Variants in UVRAG observed in about 807,000 individuals in gnomAD.
UVRAG encodes the protein UV radiation resistance-associated gene protein.
A neutral mutation model predicts 78.0 loss-of-function variants in UVRAG; 19 were observed. That is an observed-to-expected ratio of 0.24 (90% CI 0.17 to 0.36). The LOEUF (loss-of-function observed/expected upper bound fraction) is 0.36. UVRAG is among the 10% of genes least tolerant of loss of function. The probability of loss-of-function intolerance (pLI) is 1.00; values close to 1 mark genes in which losing one functional copy is unlikely to be tolerated. For synonymous variants in UVRAG, 323 were observed against 324.6 expected (o/e 1.00, Z 0.05); for missense variants, 740 against 853.8 (o/e 0.87, Z 1.66).
chr11:75,826,784 A>G (rs2135812897), intron 1 of UVRAG, among the ~76,000 whole-genome samples: 1 of 138,752 alleles, frequency 7.2e-6, no homozygotes, highest in Middle Eastern at 3.9e-3. Context: ...TGGTTTTTTG[A>G]TGGTTTTATT....
chr11:75,908,142 C>T (rs570803890), intron 5 of UVRAG, among the ~76,000 whole-genome samples: 3 of 152,270 alleles, frequency 2.0e-5, no homozygotes, highest in African/African-American at 7.2e-5. Flanking sequence ...ATTTTGACTA[C>T]TCTAGGTACC....
At chr11:76,044,723 G>C (rs572189913) in intron 12 of UVRAG, among the ~76,000 whole-genome samples, 1 of 152,092 alleles carries the variant, frequency 6.6e-6, no homozygotes, top group Non-Finnish European at 1.5e-5. Context: ...GTAGTGAGCC[G>C]AGATTGTGCT....
intron 11 of UVRAG, among the ~76,000 whole-genome samples, chr11:76,010,492 C>T (rs1418742796): frequency 2.0e-5 from 3 of 152,072 alleles, no homozygotes; most frequent in African/African-American, 7.2e-5. Context: ...TATGCTACAG[C>T]TGGGGGAAGA....
At chr11:76,086,809 CATT>C (rs1160322786) in intron 13 of UVRAG, among the ~76,000 whole-genome samples, 24 of 152,274 alleles carry the variant, frequency 1.6e-4, no homozygotes, top group Admixed American at 1.4e-3. Flanking sequence ...TGGCAACAGG[CATT>C]ATTTCATTGA....
At chr11:76,040,099 A>G (rs1397449968) in intron 12 of UVRAG, among the ~76,000 whole-genome samples, 2 of 152,140 alleles carry the variant, frequency 1.3e-5, no homozygotes, top group African/African-American at 4.8e-5. Flanking sequence ...TCATTGCAGT[A>G]TATTGTAAAT....
intron 3 of UVRAG, among the ~76,000 whole-genome samples, chr11:75,869,458 A>G (rs1473142435): frequency 6.6e-6 from 1 of 152,180 alleles, no homozygotes; most frequent in Non-Finnish European, 1.5e-5. Context: ...ATGAATTAAC[A>G]TTGAGTGTGT....
intron 8 of UVRAG, among the ~76,000 whole-genome samples, chr11:76,002,351 A>T (rs569128943): frequency 1.3e-5 from 2 of 152,060 alleles, no homozygotes; most frequent in South Asian, 4.2e-4. Context: ...TGATTGGGAT[A>T]TTTTTTTTAA....
At chr11:76,040,164 CT>C (rs892384744) in intron 12 of UVRAG, among the ~76,000 whole-genome samples, 1 of 151,960 alleles carries the variant, frequency 6.6e-6, no homozygotes, top group African/African-American at 2.4e-5. Context: ...AGTAGAAGAA[CT>C]TTGACCCATA....
chr11:75,836,687 C>G (rs948458628), intron 1 of UVRAG, among the ~76,000 whole-genome samples: 1 of 152,188 alleles, frequency 6.6e-6, no homozygotes, highest in Non-Finnish European at 1.5e-5. Flanking sequence ...ACTTCCTCTT[C>G]TGCAAACAAG....
chr11:76,083,065 T>C (rs1380373763), intron 13 of UVRAG, among the ~76,000 whole-genome samples: 2 of 152,152 alleles, frequency 1.3e-5, no homozygotes, highest in Admixed American at 6.5e-5. Context: ...CAATATATCC[T>C]TGTAACAAAT....
chr11:76,085,739 G>T (rs1056774577), intron 13 of UVRAG, among the ~76,000 whole-genome samples: 2 of 152,152 alleles, frequency 1.3e-5, no homozygotes, highest in Admixed American at 1.3e-4. Flanking sequence ...TCTAAGCTGG[G>T]CATTGGCAAA....
At chr11:75,998,452 C>T (rs1476288490) in intron 8 of UVRAG, among the ~76,000 whole-genome samples, 2 of 152,138 alleles carry the variant, frequency 1.3e-5, no homozygotes, top group Admixed American at 1.3e-4. Flanking sequence ...TCAGATTTTC[C>T]TTCCAGCCTC....
chr11:76,079,077 A>G (rs1328492797), intron 13 of UVRAG, among the ~76,000 whole-genome samples: 1 of 152,216 alleles, frequency 6.6e-6, no homozygotes, highest in African/African-American at 2.4e-5. Flanking sequence ...TGTCAGCACC[A>G]TGTTCTTTAC....
At chr11:76,084,064 G>A (rs1209035371) in intron 13 of UVRAG, among the ~76,000 whole-genome samples, 3 of 152,168 alleles carry the variant, frequency 2.0e-5, no homozygotes, top group Admixed American at 1.3e-4. Flanking sequence ...TAGAATGTAA[G>A]TGCTTCATCT....
At chr11:76,071,276 G>A (rs974754557) in intron 13 of UVRAG, among the ~76,000 whole-genome samples, 2 of 152,108 alleles carry the variant, frequency 1.3e-5, no homozygotes, top group Admixed American at 1.3e-4. Flanking sequence ...TGATGACAAG[G>A]AACTAGCCAT....
At chr11:75,941,672 T>C (rs1019338658) in intron 6 of UVRAG, among the ~76,000 whole-genome samples, 4 of 152,124 alleles carry the variant, frequency 2.6e-5, no homozygotes, top group African/African-American at 7.2e-5. Flanking sequence ...CATTCCCCCC[T>C]GCAACCTGAT....
At chr11:75,932,910 G>C (rs1209890534) in intron 6 of UVRAG, among the ~76,000 whole-genome samples, 1 of 152,118 alleles carries the variant, frequency 6.6e-6, no homozygotes, top group African/African-American at 2.4e-5. Flanking sequence ...AATTAATATT[G>C]TTGAAATGTC....
Position 75,982,869 on chromosome 11 carries a change from G to C in UVRAG, c.700-518G>C, listed in dbSNP as rs115127705. Among the ~76,000 whole-genome samples, 539 of 152,262 alleles carry C rather than the reference G, an allele frequency of 3.5e-3. 3 individuals are homozygous for C. The highest frequency in any genetic ancestry group is 0.012 in the African/African-American group (513 of 41,536). On this transcript the variant is annotated intron_variant, in intron 7 of 14. Coordinates refer to ENST00000356136, the MANE Select transcript of UVRAG (RefSeq NM_003369.4). ...TTCTTTTTATTACAAAATAATATTT[G>C]ATTGTATGGATAGGCCACATTTTAT...
chr11:76,121,827 A>G (rs966259448), intron 14 of UVRAG, among the ~76,000 whole-genome samples: 1 of 152,208 alleles, frequency 6.6e-6, no homozygotes, highest in African/African-American at 2.4e-5. Flanking sequence ...CTCATATCCT[A>G]TCTCATTCAT....
Sources: gnomAD v4.1 joint callset for allele counts (sites outside exome capture counted in the v4.1 genomes callset) on GRCh38, gnomAD v4.1.1 for gene constraint, MANE v1.5 for transcripts, NCBI Gene and HGNC (gene_info 2026-07-23, HGNC 2026-07-21) for gene names.